The following RNGTT variants were observed in gnomAD, a reference collection of about 807,000 sequenced individuals.
The protein encoded by RNGTT is RNA guanylyltransferase and 5'-phosphatase, also known as mRNA-capping enzyme.
RNGTT carries 33 observed loss-of-function variants against 79.3 expected under a neutral mutation model. The ratio of observed to expected loss-of-function variants is 0.42; its 90% CI spans 0.32 to 0.56. RNGTT has a LOEUF of 0.56. Ranked by LOEUF, RNGTT falls within the 20% of genes least tolerant of loss-of-function variation. The probability of loss-of-function intolerance (pLI) is 0.17; values close to 1 mark genes in which losing one functional copy is unlikely to be tolerated. For missense variants in RNGTT, 497 were observed against 739.1 expected (o/e 0.67, Z 3.80); for synonymous variants, 222 against 235.9 (o/e 0.94, Z 0.54).
rs188778002 is a variant in RNGTT at position 88,782,256 on chromosome 6, G to A, written c.1339-12382C>T. On this transcript the variant is annotated intron_variant, in intron 12 of 15. Transcript: ENST00000369485. ...TCTAACATAGTACCCTTTTCTCATG[G>A]ATCACAAAACAGAGTCATAAAGAAA... Among the ~76,000 whole-genome samples the A allele has an allele frequency of 1.9e-3, 283 of 152,080 alleles. 2 individuals are homozygous for A. Among genetic ancestry groups the A allele is most frequent in the Middle Eastern group, 0.014 (4 of 294 alleles).
chr6:88,694,479 C>T (rs916831575), intron 13 of RNGTT, among the ~76,000 whole-genome samples: 1 of 151,670 alleles, frequency 6.6e-6, no homozygotes, highest in African/African-American at 2.4e-5. Context: ...ACTCCTTGTT[C>T]ATGGATTAGA....
chr6:88,756,657 G>A (rs776815462), intron 13 of RNGTT, among the ~76,000 whole-genome samples: 8 of 152,144 alleles, frequency 5.3e-5, no homozygotes, highest in Non-Finnish European at 1.0e-4. Flanking sequence ...TTCCAATGAA[G>A]GATTGAGTTT....
chr6:88,716,466 G>A (rs1776518267), intron 13 of RNGTT, among the ~76,000 whole-genome samples: 1 of 152,050 alleles, frequency 6.6e-6, no homozygotes, highest in East Asian at 1.9e-4. Context: ...CCCATTACTG[G>A]GTACATACCC....
chr6:88,646,278 C>G (rs951168018), intron 14 of RNGTT, among the ~76,000 whole-genome samples: 3 of 152,188 alleles, frequency 2.0e-5, no homozygotes, highest in Non-Finnish European at 4.4e-5. Context: ...AAATGCAAAT[C>G]AAAACCACAA....
chr6:88,696,624 AC>A (rs1775681716), intron 13 of RNGTT, among the ~76,000 whole-genome samples: 5 of 152,072 alleles, frequency 3.3e-5, no homozygotes, highest in African/African-American at 9.7e-5. Flanking sequence ...ACACACACAC[AC>A]ACACACACAA....
intron 12 of RNGTT, among the ~76,000 whole-genome samples, chr6:88,773,740 A>T (rs889249059): frequency 1.1e-4 from 17 of 152,164 alleles, no homozygotes; most frequent in African/African-American, 4.1e-4. Context: ...TTTAAGAAAG[A>T]GAGGTGGGAC....
At chr6:88,725,061 A>G (rs1370692465) in intron 13 of RNGTT, among the ~76,000 whole-genome samples, 1 of 152,214 alleles carries the variant, frequency 6.6e-6, no homozygotes, top group African/African-American at 2.4e-5. Context: ...CTGAGAATTA[A>G]AAAGAAAATT....
chr6:88,754,197 TA>T (rs1258347290), intron 13 of RNGTT, among the ~76,000 whole-genome samples: 3 of 151,864 alleles, frequency 2.0e-5, no homozygotes, highest in African/African-American at 7.3e-5. Context: ...GTCTACTGAG[TA>T]AAGTGAGGTA....
At chr6:88,702,472 T>C (rs1231641568) in intron 13 of RNGTT, among the ~76,000 whole-genome samples, 8 of 152,168 alleles carry the variant, frequency 5.3e-5, no homozygotes, top group Non-Finnish European at 1.2e-4. Context: ...GGACTCCCTA[T>C]TCAATATATT....
chr6:88,690,374 T>C (rs1243071551), intron 13 of RNGTT, among the ~76,000 whole-genome samples: 3 of 151,864 alleles, frequency 2.0e-5, no homozygotes, highest in Admixed American at 1.3e-4. Flanking sequence ...TGAAATATTT[T>C]TGCAACTTTT....
At chr6:88,716,055 G>A (rs9451060) in intron 13 of RNGTT, among the ~76,000 whole-genome samples, 21,568 of 150,696 alleles carry the variant, frequency 0.14, 5,224 homozygotes, top group African/African-American at 0.5. Flanking sequence ...GAAAATTTTC[G>A]TAACCTACTC....
chr6:88,805,724 C>G (rs1779932199), intron 11 of RNGTT, among the ~76,000 whole-genome samples: 1 of 151,910 alleles, frequency 6.6e-6, no homozygotes, highest in African/African-American at 2.4e-5. Flanking sequence ...ACTAAGAAAA[C>G]TCCACAGTCT....
chr6:88,844,235 C>A (rs1781412170), intron 11 of RNGTT, 122 bp downstream of exon 11: 1 of 895,768 alleles, frequency 1.1e-6, no homozygotes, highest in East Asian at 2.6e-5. Flanking sequence ...AGCGCTATAC[C>A]CAATTCGAGT....
At chr6:88,667,330 C>T (rs1026847473) in intron 14 of RNGTT, among the ~76,000 whole-genome samples, 15 of 152,180 alleles carry the variant, frequency 9.9e-5, no homozygotes, top group African/African-American at 3.6e-4. Flanking sequence ...ATGAGACCAC[C>T]CATCTAGGCC....
At chr6:88,944,839 G>A (rs1042634137) in intron 1 of RNGTT, among the ~76,000 whole-genome samples, 63 of 152,282 alleles carry the variant, frequency 4.1e-4, no homozygotes, top group African/African-American at 8.2e-4. Context: ...GTCAAATCAG[G>A]ATTCTCCTCC....
At chr6:88,816,264 A>G (rs1780311090) in intron 11 of RNGTT, among the ~76,000 whole-genome samples, 1 of 152,196 alleles carries the variant, frequency 6.6e-6, no homozygotes. Flanking sequence ...TCTATTAGTT[A>G]TCTTCCATGC....
At chr6:88,674,884 G>A (rs888001897) in intron 14 of RNGTT, among the ~76,000 whole-genome samples, 1 of 152,096 alleles carries the variant, frequency 6.6e-6, no homozygotes, top group African/African-American at 2.4e-5. Context: ...ACTGCCTGAG[G>A]TCAGGAGTTC....
intron 12 of RNGTT, among the ~76,000 whole-genome samples, chr6:88,777,194 AC>A (rs1778917419): frequency 6.6e-6 from 1 of 152,162 alleles, no homozygotes; most frequent in Non-Finnish European, 1.5e-5. Context: ...ATTCTGGTCC[AC>A]TGGTCTATGT....
intron 13 of RNGTT, among the ~76,000 whole-genome samples, chr6:88,739,238 T>G (rs1777387104): frequency 6.6e-6 from 1 of 152,060 alleles, no homozygotes; most frequent in African/African-American, 2.4e-5. Flanking sequence ...TGAAGCAAAT[T>G]TATGGAACCA....
Sources: gnomAD v4.1 joint callset for allele counts (sites outside exome capture counted in the v4.1 genomes callset) on GRCh38, gnomAD v4.1.1 for gene constraint, MANE v1.5 for transcripts, NCBI Gene and HGNC (gene_info 2026-07-23, HGNC 2026-07-21) for gene names.